The following RABGAP1 variants were observed in gnomAD, a reference collection of about 807,000 sequenced individuals.
RABGAP1 encodes RAB GTPase activating protein 1.
Under a neutral mutation model 137.6 loss-of-function variants are expected in RABGAP1, and 23 were observed. That is an observed-to-expected ratio of 0.17 (90% confidence interval 0.12 to 0.24). RABGAP1 has a LOEUF of 0.24. Ranked by LOEUF, RABGAP1 falls within the 10% of genes least tolerant of loss-of-function variation. RABGAP1 has a pLI of 1.00. For missense variants in RABGAP1, 906 were observed against 1,275.8 expected (o/e 0.71, Z 4.42); for synonymous variants, 451 against 450.7 (o/e 1.00, Z -0.01).
chr9:122,958,562 G>A (rs1834668983), intron 2 of RABGAP1, among the ~76,000 whole-genome samples: 1 of 152,074 alleles, frequency 6.6e-6, no homozygotes, highest in Non-Finnish European at 1.5e-5. Flanking sequence ...GGAGCAGGGA[G>A]GGATAGCATT....
chr9:122,942,676 A>AAAAAAC lies in RABGAP1; in HGVS notation c.-50+1588_-50+1589insCAAAAA, dbSNP rs1388890186. Among the ~76,000 whole-genome samples, 38 of 151,130 alleles carry AAAAAAC rather than the reference A, an allele frequency of 2.5e-4. 2 individuals carry two copies. The highest frequency in any genetic ancestry group is 5.2e-4 in the Non-Finnish European group (35 of 67,688). On this transcript the variant is annotated intron_variant, in intron 1 of 25. Coordinates refer to ENST00000373647, the MANE Select transcript of RABGAP1 (RefSeq NM_012197.4). ...CAGAGCGAGACTCCGTCTCAAAAAA[A>AAAAAAC]AAAAAAAAAAAACACAAAAAAACAA...
chr9:122,996,490 C>A, intron 7 of RABGAP1, 49 bp from the exon 8 acceptor site: 1 of 1,521,418 alleles, frequency 6.6e-7, no homozygotes, highest in Non-Finnish European at 9.0e-7. Context: ...TTTAAACGTT[C>A]TTTTGTGTTA....
At chr9:123,029,116 A>G (rs2032153627) in intron 13 of RABGAP1, among the ~76,000 whole-genome samples, 2 of 152,114 alleles carry the variant, frequency 1.3e-5, no homozygotes, top group Admixed American at 6.6e-5. Context: ...AGGGATGGGG[A>G]AAAAGATGCT....
chr9:123,059,643 G>C (rs1010871305), intron 13 of RABGAP1, among the ~76,000 whole-genome samples: 79 of 152,136 alleles, frequency 5.2e-4, no homozygotes, highest in Non-Finnish European at 7.4e-4. Context: ...GAGGTGATTA[G>C]GTCATGAGGG....
intron 24 of RABGAP1, among the ~76,000 whole-genome samples, chr9:123,100,605 G>C: frequency 6.6e-6 from 1 of 152,150 alleles, no homozygotes; most frequent in East Asian, 1.9e-4. Context: ...ATTTTTAGTA[G>C]AGGTAGGGTT....
chr9:123,097,127 C>T (rs187761823), intron 21 of RABGAP1, among the ~76,000 whole-genome samples: 405 of 152,272 alleles, frequency 2.7e-3, no homozygotes, highest in Non-Finnish European at 3.9e-3. Context: ...ACTCGTATGT[C>T]AGGCAAAAGT....
intron 19 of RABGAP1, among the ~76,000 whole-genome samples, chr9:123,085,196 T>C (rs1466661663): frequency 6.6e-6 from 1 of 152,228 alleles, no homozygotes; most frequent in African/African-American, 2.4e-5. Flanking sequence ...CAAACTGGCA[T>C]GTATCAAGTC....
chr9:123,029,317 A>ATT (rs879073741), intron 13 of RABGAP1: 67 of 547,344 alleles, frequency 1.2e-4, no homozygotes, highest in South Asian at 2.5e-4. Context: ...TTTAAAGCTC[A>ATT]TTTTTTTTTT....
intron 13 of RABGAP1, among the ~76,000 whole-genome samples, chr9:123,047,900 G>A (rs2033276698): frequency 8.0e-6 from 1 of 125,562 alleles, no homozygotes; most frequent in African/African-American, 2.7e-5. Flanking sequence ...AAAATATCTA[G>A]CCATTTTACA....
intron 13 of RABGAP1, among the ~76,000 whole-genome samples, chr9:123,056,327 A>G (rs2033692580): frequency 6.6e-6 from 1 of 152,224 alleles, no homozygotes; most frequent in African/African-American, 2.4e-5. Flanking sequence ...GACTAGAAGG[A>G]GCATAGGACA....
intron 1 of RABGAP1, among the ~76,000 whole-genome samples, chr9:122,946,969 GAGA>G (rs1833981244): frequency 6.6e-6 from 1 of 152,136 alleles, no homozygotes; most frequent in African/African-American, 2.4e-5. Context: ...CCAAGTCTCT[GAGA>G]AGGAGTGATT....
chr9:123,000,864 T>G (rs1837289957), intron 10 of RABGAP1, among the ~76,000 whole-genome samples: 1 of 151,944 alleles, frequency 6.6e-6, no homozygotes, highest in African/African-American at 2.4e-5. Flanking sequence ...TGTCCCCTCT[T>G]GATTTCTTTT....
chr9:123,024,543 G>A (rs2031843323), intron 13 of RABGAP1, among the ~76,000 whole-genome samples: 1 of 151,532 alleles, frequency 6.6e-6, no homozygotes, highest in African/African-American at 2.4e-5. Context: ...GGGTTCAAAC[G>A]ATTCTCCTGC....
chr9:123,045,855 T>C (rs1286039721), intron 13 of RABGAP1, among the ~76,000 whole-genome samples: 1 of 152,202 alleles, frequency 6.6e-6, no homozygotes, highest in Non-Finnish European at 1.5e-5. Flanking sequence ...TTGTGAAAAT[T>C]AGGTACTATC....
intron 6 of RABGAP1, chr9:122,990,827 A>ATG: frequency 1.6e-5 from 2 of 123,652 alleles, no homozygotes; most frequent in Non-Finnish European, 3.3e-5. Flanking sequence ...ATATATATAT[A>ATG]TATATATATG....
At chr9:122,999,884 G>A (rs1198842365) in intron 10 of RABGAP1, among the ~76,000 whole-genome samples, 2 of 151,634 alleles carry the variant, frequency 1.3e-5, no homozygotes, top group Non-Finnish European at 2.9e-5. Context: ...GTTTTCTTCA[G>A]ATGGGATACT....
At chr9:122,968,619 T>C (rs1835303398) in intron 2 of RABGAP1, among the ~76,000 whole-genome samples, 1 of 152,154 alleles carries the variant, frequency 6.6e-6, no homozygotes, top group Non-Finnish European at 1.5e-5. Context: ...TACTTTATTA[T>C]TGTTACTATT....
At chr9:122,988,081 TA>T (rs1421686751) in intron 4 of RABGAP1, among the ~76,000 whole-genome samples, 2 of 152,220 alleles carry the variant, frequency 1.3e-5, no homozygotes, top group Non-Finnish European at 2.9e-5. Flanking sequence ...AATGATAAAC[TA>T]TTAATAAAAT....
At chr9:122,973,780 C>T (rs1023410807) in intron 2 of RABGAP1, among the ~76,000 whole-genome samples, 2 of 151,742 alleles carry the variant, frequency 1.3e-5, no homozygotes, top group African/African-American at 4.8e-5. Flanking sequence ...GAGGCCGAGG[C>T]GGGCAGATCA....
Sources: allele counts gnomAD v4.1 joint callset (sites outside exome capture counted in the v4.1 genomes callset), GRCh38; gene constraint gnomAD v4.1.1; transcripts MANE v1.5; gene names NCBI Gene and HGNC (gene_info 2026-07-23, HGNC 2026-07-21).